The following COLGALT1 variants were observed in gnomAD, a reference collection of about 807,000 sequenced individuals.
The protein encoded by COLGALT1 is collagen beta(1-O)galactosyltransferase 1.
COLGALT1 carries 43 observed loss-of-function variants against 60.8 expected under a neutral mutation model. That is an observed-to-expected ratio of 0.71 (90% CI 0.55 to 0.91). COLGALT1 has a LOEUF of 0.91. Among genes scored for constraint, COLGALT1 ranks in the 40% least tolerant of loss-of-function variants. The pLI is 0.00. For missense variants in COLGALT1, 845 were observed against 880.0 expected, an observed-to-expected ratio of 0.96 and a Z score of 0.50; for synonymous variants, 369 against 374.2, an observed-to-expected ratio of 0.99 and a Z score of 0.16.
Position 17,581,616 on chromosome 19 carries a change from GA to G in COLGALT1, c.*173del. On this transcript the variant is annotated 3_prime_UTR_variant, in exon 12 of 12. Coordinates refer to ENST00000252599, the MANE Select transcript of COLGALT1 (RefSeq NM_024656.4). Reference sequence around the variant, plus strand: ...CACGTGCACACAGGCAGCATTAATGGAGTGCCTACTGCATGCCAGCAACAGG... The same window carrying G: ...CACGTGCACACAGGCAGCATTAATGGGTGCCTACTGCATGCCAGCAACAGG... 1 of 852,576 alleles carries G rather than the reference GA, an allele frequency of 1.2e-6. No homozygotes were observed. The highest frequency in any genetic ancestry group is 1.8e-6 in the Non-Finnish European group (1 of 567,080). 52.8% of individuals were successfully genotyped at this position (852,576 alleles called of 1,614,324 possible). A position where few individuals can be genotyped will look rare whatever the true frequency, so the allele number is the denominator to read the frequency against.
chr19:17,561,834 T>C (rs1346156855), intron 3 of COLGALT1, among the ~76,000 whole-genome samples: 1 of 152,084 alleles, frequency 6.6e-6, no homozygotes, highest in Non-Finnish European at 1.5e-5. Context: ...CAACCCCAAA[T>C]GTTATTTCAG....
Position 17,555,712 on chromosome 19 carries a change from C to T in COLGALT1, c.-2C>T, listed in dbSNP as rs1441808196. On this transcript the variant is annotated 5_prime_UTR_variant, in exon 1 of 12. Coordinates refer to ENST00000252599, the MANE Select transcript of COLGALT1 (RefSeq NM_024656.4). ...AACGACTTAAAGGAGACGCGTGGCG[C>T]GATGGCGGCGGCCCCACGCGCGGGC... 1 of 1,187,888 alleles carries T rather than the reference C, an allele frequency of 8.4e-7. No individual in the cohort carries two copies. Among genetic ancestry groups the T allele is most frequent in the Non-Finnish European group, 1.0e-6 (1 of 960,604 alleles). The allele number at this position is 1,187,888 out of a possible 1,614,324, so 73.6% of individuals were successfully genotyped here. A position where few individuals can be genotyped will look rare whatever the true frequency, so the allele number is the denominator to read the frequency against.
intron 1 of COLGALT1, among the ~76,000 whole-genome samples, chr19:17,558,063 G>C (rs2076224119): frequency 6.6e-6 from 1 of 151,724 alleles, no homozygotes; most frequent in Non-Finnish European, 1.5e-5. Context: ...TCGGCCTCCT[G>C]AGTAGCTGGG....
intron 1 of COLGALT1, among the ~76,000 whole-genome samples, chr19:17,557,452 C>T (rs923755629): frequency 6.6e-6 from 1 of 152,102 alleles, no homozygotes; most frequent in African/African-American, 2.4e-5. Context: ...CAGGTGCGCA[C>T]CACCATGCCT....
chr19:17,567,317 A>AC, intron 3 of COLGALT1, 89 bp from the exon 4 acceptor site: 1 of 1,548,562 alleles, frequency 6.5e-7, no homozygotes, highest in South Asian at 1.2e-5. Flanking sequence ...TCTTTGCCAG[A>AC]CCCCCAGGGC....
At chr19:17,556,069 C>G in intron 1 of COLGALT1, 96 bp downstream of exon 1, 2 of 1,213,656 alleles carry the variant, frequency 1.6e-6, no homozygotes, top group Non-Finnish European at 2.1e-6. Context: ...GCCCGCTGTC[C>G]TCTTCTGGGC....
chr19:17,568,323 CTCTT>C (rs1447894949), intron 4 of COLGALT1, among the ~76,000 whole-genome samples, 182 bp from the exon 5 acceptor site: 2 of 152,136 alleles, frequency 1.3e-5, no homozygotes, highest in African/African-American at 4.8e-5. Context: ...AAATACAAGG[CTCTT>C]TCTTATTGGC....
Position 17,581,296 on chromosome 19 carries a change from CAGTCGTATGGAACAATG to C in COLGALT1, c.1724_1740del (p.Val575AlafsTer23). Reference sequence around the variant, plus strand: ...GGCTATGTGAGTGACACCGAGACCTCAGTCGTATGGAACAATGAGCACGTCAAGACCGACTGGGACCG... The same window carrying C: ...GGCTATGTGAGTGACACCGAGACCTCAGCACGTCAAGACCGACTGGGACCG... On this transcript the variant is annotated frameshift_variant, in exon 12 of 12. Transcript: ENST00000252599. LOFTEE classifies it low-confidence loss of function (END_TRUNC). The C allele has an allele frequency of 1.2e-6, 2 of 1,613,206 alleles. No individual in the cohort carries two copies. The highest frequency in any genetic ancestry group is 1.7e-6 in the Non-Finnish European group (2 of 1,180,006).
At chr19:17,573,120 A>G (rs2076322461) in intron 6 of COLGALT1, among the ~76,000 whole-genome samples, 1 of 152,136 alleles carries the variant, frequency 6.6e-6, no homozygotes, top group Non-Finnish European at 1.5e-5. Context: ...TAGGCCAGGC[A>G]TGGTGACTCA....
chr19:17,556,647 C>A, intron 1 of COLGALT1: 1 of 530,260 alleles, frequency 1.9e-6, no homozygotes, highest in Non-Finnish European at 2.4e-6. Context: ...TGCAGTGGCT[C>A]ACGCAGTAAT....
At position 17,579,496 on chromosome 19, in the gene COLGALT1, G is replaced by T. The variant is rs1318809520; in HGVS notation, c.1281G>T (p.Gly427=). ...TCCTCCCTCAGGTGGTGGACCGGGGGCTGCAGAAATCGCTTGTGTTTGAGG... is the reference window on the plus strand; with the variant it reads ...TCCTCCCTCAGGTGGTGGACCGGGGTCTGCAGAAATCGCTTGTGTTTGAGG... ...YNIWKEVVDR[G]LQKSLVFEDD... The change falls in exon 10 of 12, where the codon GGG becomes GGT. Residue 427 remains glycine (G), a synonymous_variant. Transcript: ENST00000252599. 3 of 1,614,172 alleles carry T rather than the reference G, an allele frequency of 1.9e-6. No individual in the cohort carries two copies. The highest frequency in any genetic ancestry group is 2.5e-6 in the Non-Finnish European group (3 of 1,180,016).
intron 6 of COLGALT1, among the ~76,000 whole-genome samples, 164 bp downstream of exon 6, chr19:17,572,766 G>A (rs1670931388): frequency 6.6e-6 from 1 of 152,252 alleles, no homozygotes; most frequent in African/African-American, 2.4e-5. Flanking sequence ...GGTTGTGTCT[G>A]CTCTCACAGA....
chr19:17,560,413 T>TG lies in COLGALT1; in HGVS notation c.438dup (p.Arg147AlafsTer14), dbSNP rs771587376. On this transcript the variant is annotated frameshift_variant, in exon 3 of 12. Coordinates refer to ENST00000252599, the MANE Select transcript of COLGALT1 (RefSeq NM_024656.4). LOFTEE classifies it high-confidence loss of function. ...TCACGCTACGAGCATGTCATGAAGT[T>TG]GCGCCAGGCAGCCCTGAAATCAGCT... The TG allele has an allele frequency of 1.9e-6, 3 of 1,614,142 alleles. No homozygotes were observed. Among genetic ancestry groups the TG allele is most frequent in the Non-Finnish European group, 2.5e-6 (3 of 1,180,032 alleles).
rs931120657 is a variant in COLGALT1 at position 17,582,306 on chromosome 19, A to G, written c.*862A>G. ...TGTGCCTGGCACTCATGTCACAAAG[A>G]TAAGTTCCTGATTCGGTACACTTAC... is the stretch of plus-strand genomic sequence containing the variant. On this transcript the variant is annotated 3_prime_UTR_variant, in exon 12 of 12. Coordinates refer to ENST00000252599, the MANE Select transcript of COLGALT1 (RefSeq NM_024656.4). 6.6e-6 allele frequency: 1 copy of G among 152,224 alleles called. No homozygotes were observed. The highest frequency in any genetic ancestry group is 1.5e-5 in the Non-Finnish European group (1 of 68,046). 9.4% of individuals were successfully genotyped at this position (152,224 alleles called of 1,614,324 possible).
intron 3 of COLGALT1, among the ~76,000 whole-genome samples, chr19:17,562,921 C>G (rs973189812): frequency 6.6e-6 from 1 of 152,032 alleles, no homozygotes; most frequent in Non-Finnish European, 1.5e-5. Flanking sequence ...CCTTATCAGA[C>G]CATTTTATAG....
chr19:17,557,878 A>G (rs1358501650), intron 1 of COLGALT1, among the ~76,000 whole-genome samples: 2 of 152,182 alleles, frequency 1.3e-5, no homozygotes, highest in African/African-American at 4.8e-5. Context: ...TTGGGATTAC[A>G]GGCGTGAGCC....
chr19:17,579,810 C>T, intron 10 of COLGALT1: 1 of 647,218 alleles, frequency 1.5e-6, no homozygotes, highest in Non-Finnish European at 2.6e-6. Context: ...GGAGCTGAAT[C>T]CTACGGGCGT....
chr19:17,556,016 C>G, intron 1 of COLGALT1, 43 bp downstream of exon 1: 2 of 1,285,200 alleles, frequency 1.6e-6, no homozygotes, highest in Non-Finnish European at 2.0e-6. Context: ...TCACGCGAGC[C>G]CCTGCTTGCT....
chr19:17,567,299 T>TTG, intron 3 of COLGALT1, 107 bp from the exon 4 acceptor site: 1 of 1,474,746 alleles, frequency 6.8e-7, no homozygotes, highest in Non-Finnish European at 9.2e-7. Context: ...AGGGGGTGCT[T>TTG]CCAGAGGTCT....
Sources: gnomAD v4.1 joint callset for allele counts (sites outside exome capture counted in the v4.1 genomes callset) on GRCh38, gnomAD v4.1.1 for gene constraint, MANE v1.5 for transcripts, NCBI Gene and HGNC (gene_info 2026-07-23, HGNC 2026-07-21) for gene names.